NCOA1: variants seen among roughly 807,000 people sequenced by gnomAD.
NCOA1 encodes Hin-2 protein.
A neutral mutation model predicts 150.9 loss-of-function variants in NCOA1; 35 were observed. The observed-to-expected ratio is 0.23, with a 90% confidence interval of 0.18 to 0.31. The LOEUF is 0.31. Among genes scored for constraint, NCOA1 ranks in the 10% least tolerant of loss-of-function variants. The probability of loss-of-function intolerance (pLI) is 1.00; values close to 1 mark genes in which losing one functional copy is unlikely to be tolerated. For synonymous variants in NCOA1, 590 were observed against 630.0 expected (o/e 0.94, Z 0.95); for missense variants, 1,491 against 1,749.3 (o/e 0.85, Z 2.63).
chr2:24,724,221 G>A (rs921611908), intron 14 of NCOA1, among the ~76,000 whole-genome samples: 8 of 152,224 alleles, frequency 5.3e-5, no homozygotes, highest in Admixed American at 5.2e-4. Flanking sequence ...GGGATCCCTA[G>A]GGCTTGTTTT....
intron 2 of NCOA1, among the ~76,000 whole-genome samples, chr2:24,584,087 T>A (rs1380482171): frequency 6.6e-6 from 1 of 152,146 alleles, no homozygotes; most frequent in East Asian, 1.9e-4. Context: ...TTAAGGTGAT[T>A]GATATGCCAT....
Position 24,693,396 on chromosome 2 carries a change from T to C in NCOA1, c.808+49T>C, listed in dbSNP as rs774982591. Reference sequence around the variant, plus strand: ...GTTCCATAGGTATTAATAATGTGACTCTGCCCTTAAAACTAATTATATCCA... The same window carrying C: ...GTTCCATAGGTATTAATAATGTGACCCTGCCCTTAAAACTAATTATATCCA... On this transcript the variant is annotated intron_variant, in intron 10 of 22. Transcript: ENST00000348332. 7 of 1,480,792 alleles carry C rather than the reference T, an allele frequency of 4.7e-6. No individual in the cohort carries two copies. The South Asian group carries it at 7.9e-5, about 17-fold the overall frequency. The allele number at this position is 1,480,792 out of a possible 1,614,324, so 91.7% of individuals were successfully genotyped here.
chr2:24,655,531 A>G (rs1397813391), intron 4 of NCOA1, among the ~76,000 whole-genome samples: 2 of 152,168 alleles, frequency 1.3e-5, no homozygotes, highest in African/African-American at 4.8e-5. Flanking sequence ...AACTTTATAT[A>G]TTATGTTTAG....
chr2:24,559,063 A>G (rs1171736998), intron 1 of NCOA1, among the ~76,000 whole-genome samples: 1 of 152,180 alleles, frequency 6.6e-6, no homozygotes, highest in Non-Finnish European at 1.5e-5. Flanking sequence ...TTGTTACATA[A>G]AAGTTGAATC....
intron 1 of NCOA1, among the ~76,000 whole-genome samples, chr2:24,498,405 A>G (rs1364343859): frequency 6.6e-6 from 1 of 152,228 alleles, no homozygotes; most frequent in East Asian, 1.9e-4. Context: ...ACAAATACCT[A>G]TAATAGTAAT....
chr2:24,658,701 A>G lies in NCOA1; in HGVS notation c.24A>G (p.Ser8=). 6.2e-7 allele frequency: 1 copy of G among 1,614,070 alleles called. No homozygotes were observed. Among genetic ancestry groups the G allele is most frequent in the Non-Finnish European group, 8.5e-7 (1 of 1,179,962 alleles). The part of the protein sequence containing the change: MSGLGDS[S]SDPANPDSHK... ...ACATGAGTGGCCTCGGGGACAGTTCATCCGACCCTGCTAACCCAGACTCAC... is the reference window on the plus strand; with the variant it reads ...ACATGAGTGGCCTCGGGGACAGTTCGTCCGACCCTGCTAACCCAGACTCAC... The change falls in exon 5 of 23, where the codon TCA becomes TCG. Residue 8 remains serine (S), a synonymous_variant. Coordinates refer to ENST00000348332, the MANE Select transcript of NCOA1 (RefSeq NM_003743.5).
chr2:24,747,127 CA>C lies in NCOA1; in HGVS notation c.3707-4849del, dbSNP rs1176890628. 9.2e-5 allele frequency among the ~76,000 whole-genome samples: 14 copies of C among 151,948 alleles called. 1 individual carries two copies. The East Asian group carries it at 2.5e-3, about 27-fold the overall frequency. On this transcript the variant is annotated intron_variant, in intron 19 of 22. Transcript: ENST00000348332. ...ACAACAACAACAACAAAACAAACCA[CA>C]AAAAAGTCATCTTCTAAGGGAAACT... is the stretch of plus-strand genomic sequence containing the variant.
At position 24,742,103 on chromosome 2, in the gene NCOA1, G is replaced by T; in HGVS notation, c.3623G>T (p.Gly1208Val). Residue 1208 changes from glycine (G) to valine (V), a missense_variant, in exon 19 of 23, where the codon GGC (glycine) becomes GTC (valine). This residue lies in a region of NCOA1 where 485 missense variants were observed against 522.8 expected (regional missense o/e 0.93). Transcript: ENST00000348332. ...LANRNSMVSR[G>V]MTGNIGGQFG... ...AACCGCAACAGCATGGTGAGCAGAGGCATGACAGGAAACATAGGAGGACAG... is the reference window on the plus strand; with the variant it reads ...AACCGCAACAGCATGGTGAGCAGAGTCATGACAGGAAACATAGGAGGACAG... 2 of 1,614,216 alleles carry T rather than the reference G, an allele frequency of 1.2e-6. No individual in the cohort carries two copies. The highest frequency in any genetic ancestry group is 1.7e-6 in the Non-Finnish European group (2 of 1,180,040).
At chr2:24,511,560 T>A (rs909287072) in intron 1 of NCOA1, among the ~76,000 whole-genome samples, 2 of 152,232 alleles carry the variant, frequency 1.3e-5, no homozygotes, top group African/African-American at 4.8e-5. Flanking sequence ...CTTTTGCTTA[T>A]TTTAAAATTG....
At position 24,502,972 on chromosome 2, in the gene NCOA1, C is replaced by T. The variant is rs1475199205; in HGVS notation, c.-396+11370C>T. 3.3e-5 allele frequency among the ~76,000 whole-genome samples: 5 copies of T among 152,104 alleles called. No homozygotes were observed. The South Asian group carries it at 1.0e-3, about 32-fold the overall frequency. On this transcript the variant is annotated intron_variant, in intron 1 of 22. Transcript: ENST00000348332. The stretch of plus-strand genomic sequence containing the variant: ...TTTTTTGTTTTTGTGTGTCCTGTCT[C>T]CTGTATTAGGGTATGAGAATGGCAG...
intron 1 of NCOA1, among the ~76,000 whole-genome samples, chr2:24,516,950 A>G (rs1366613801): frequency 8.2e-6 from 1 of 121,554 alleles, no homozygotes; most frequent in Non-Finnish European, 1.8e-5. Flanking sequence ...ATACGTATAT[A>G]TACAAGTATA....
At chr2:24,642,318 AAT>A (rs138241448) in intron 3 of NCOA1, among the ~76,000 whole-genome samples, 29,057 of 146,652 alleles carry the variant, frequency 0.2, 3,053 homozygotes, top group Non-Finnish European at 0.23. Flanking sequence ...TATGTATATA[AAT>A]ATATATATAT....
chr2:24,612,857 A>C (rs1045713955), intron 3 of NCOA1, among the ~76,000 whole-genome samples: 1 of 151,940 alleles, frequency 6.6e-6, no homozygotes, highest in Non-Finnish European at 1.5e-5. Context: ...CTTGTAATTC[A>C]TGCTTTGAAT....
intron 3 of NCOA1, among the ~76,000 whole-genome samples, chr2:24,621,894 T>C (rs1160228468): frequency 6.6e-6 from 1 of 152,230 alleles, no homozygotes; most frequent in Non-Finnish European, 1.5e-5. Flanking sequence ...GATACATGCC[T>C]TTGTCTCATT....
rs1030707311 is a variant in NCOA1 at position 24,491,309 on chromosome 2, G to T, written c.-689G>T. Among the ~76,000 whole-genome samples, 22 of 147,668 alleles carry T rather than the reference G, an allele frequency of 1.5e-4. No individual in the cohort carries two copies. The highest frequency in any genetic ancestry group is 5.4e-4 in the African/African-American group (22 of 40,956). The stretch of plus-strand genomic sequence containing the variant: ...GGCGGCCGCGGAGAGCGGCTGAAAT[G>T]CCTGTTCTTCAGGCCGGGCGAGCGG... On this transcript the variant is annotated 5_prime_UTR_variant, in exon 1 of 23. The change abolishes an upstream ATG in the 5' untranslated region. Coordinates refer to ENST00000348332, the MANE Select transcript of NCOA1 (RefSeq NM_003743.5).
chr2:24,713,164 G>GA (rs1160725067), intron 14 of NCOA1, among the ~76,000 whole-genome samples: 1 of 152,160 alleles, frequency 6.6e-6, no homozygotes, highest in Admixed American at 6.5e-5. Context: ...CCAGGAGGCA[G>GA]AGGTTGCAGT....
chr2:24,712,461 C>T (rs1673792225), intron 14 of NCOA1, among the ~76,000 whole-genome samples: 1 of 152,190 alleles, frequency 6.6e-6, no homozygotes, highest in South Asian at 2.1e-4. Context: ...AAAAGCCATT[C>T]TGCTATCTCA....
chr2:24,513,082 G>A (rs1054314554), intron 1 of NCOA1, among the ~76,000 whole-genome samples: 7 of 152,160 alleles, frequency 4.6e-5, no homozygotes, highest in East Asian at 1.9e-4. Context: ...GTTAGCATCC[G>A]TCCAGTTCAG....
intron 8 of NCOA1, among the ~76,000 whole-genome samples, chr2:24,689,044 A>T (rs1034828911): frequency 2.0e-5 from 3 of 152,182 alleles, no homozygotes; most frequent in Non-Finnish European, 2.9e-5. Flanking sequence ...TTTGTCAAAG[A>T]TCAGATGGCT....
Sources: gnomAD v4.1 joint callset for allele counts (sites outside exome capture counted in the v4.1 genomes callset) on GRCh38, gnomAD v4.1.1 for gene constraint, gnomAD v4.1.1 regional missense constraint, MANE v1.5 for transcripts, NCBI Gene and HGNC (gene_info 2026-07-23, HGNC 2026-07-21) for gene names.